Variants in LRP1B observed in about 807,000 individuals in gnomAD.
LRP1B encodes LDL receptor related protein 1B.
LRP1B carries 217 observed loss-of-function variants against 556.6 expected under a neutral mutation model. The ratio of observed to expected loss-of-function variants is 0.39; its 90% CI spans 0.35 to 0.44. The LOEUF (loss-of-function observed/expected upper bound fraction) is 0.44. Among genes scored for constraint, LRP1B ranks in the 20% least tolerant of loss-of-function variants. The pLI, the probability that LRP1B is intolerant of heterozygous loss-of-function variation, is 1.00. For missense variants in LRP1B, 5,053 were observed against 5,620.8 expected (o/e 0.90, Z 3.23); for synonymous variants, 2,047 against 1,865.8 (o/e 1.10, Z -2.50).
At chr2:140,721,278 T>C (rs979506911) in intron 35 of LRP1B, among the ~76,000 whole-genome samples, 13 of 152,116 alleles carry the variant, frequency 8.5e-5, no homozygotes. Flanking sequence ...ATTCTAAAAA[T>C]GATAAAGCAT....
At chr2:141,038,222 A>G (rs59392353) in intron 11 of LRP1B, among the ~76,000 whole-genome samples, 7,210 of 152,112 alleles carry the variant, frequency 0.047, 586 homozygotes, top group African/African-American at 0.16. Context: ...TACGCCCTCC[A>G]GTCCTTCTCC....
intron 41 of LRP1B, among the ~76,000 whole-genome samples, chr2:140,676,386 G>A (rs546690877): frequency 9.2e-5 from 14 of 152,178 alleles, no homozygotes; most frequent in African/African-American, 2.2e-4. Flanking sequence ...GGATAATCCC[G>A]CTGTTAAAAT....
chr2:141,904,896 A>G (rs1699712273), intron 1 of LRP1B, among the ~76,000 whole-genome samples: 1 of 151,986 alleles, frequency 6.6e-6, no homozygotes, highest in South Asian at 2.1e-4. Flanking sequence ...AGACAGGGAC[A>G]GAGACCTGAC....
chr2:142,123,172 C>T (rs1707517903), intron 1 of LRP1B, among the ~76,000 whole-genome samples: 1 of 151,948 alleles, frequency 6.6e-6, no homozygotes, highest in Admixed American at 6.6e-5. Flanking sequence ...TTAAGATATG[C>T]TAGGAACACA....
At chr2:140,564,256 G>A (rs1349852483) in intron 43 of LRP1B, among the ~76,000 whole-genome samples, 1 of 152,040 alleles carries the variant, frequency 6.6e-6, no homozygotes, top group African/African-American at 2.4e-5. Context: ...TGGCACAACT[G>A]AAATTTTTTT....
intron 49 of LRP1B, among the ~76,000 whole-genome samples, chr2:140,517,709 C>CTTTTTT (rs372100986): frequency 5.6e-5 from 7 of 125,414 alleles, no homozygotes; most frequent in African/African-American, 9.0e-5. Flanking sequence ...TTTATCTTTC[C>CTTTTTT]TTTTTTTTTT....
At chr2:140,592,413 T>C (rs1376056880) in intron 43 of LRP1B, among the ~76,000 whole-genome samples, 8 of 152,122 alleles carry the variant, frequency 5.3e-5, no homozygotes, top group Non-Finnish European at 7.4e-5. Flanking sequence ...TGGATGCTTA[T>C]ACTTATACTT....
chr2:141,261,598 G>T (rs547980126), intron 3 of LRP1B, among the ~76,000 whole-genome samples: 11 of 152,002 alleles, frequency 7.2e-5, no homozygotes, highest in Non-Finnish European at 1.5e-4. Flanking sequence ...TCATATAAAT[G>T]AAATCATCTA....
intron 3 of LRP1B, among the ~76,000 whole-genome samples, chr2:141,423,380 A>G (rs188450692): frequency 1.3e-5 from 2 of 150,996 alleles, no homozygotes; most frequent in East Asian, 3.9e-4. Flanking sequence ...CAACAATAAT[A>G]ATCATTCTTC....
At chr2:142,020,774 A>G in intron 1 of LRP1B, among the ~76,000 whole-genome samples, 1 of 152,208 alleles carries the variant, frequency 6.6e-6, no homozygotes, top group Admixed American at 6.5e-5. Context: ...GTGTAAGTTT[A>G]ATTAGAATTG....
At position 141,287,366 on chromosome 2, in the gene LRP1B, A is replaced by T. The variant is rs1160448999; in HGVS notation, c.344-32725T>A. On this transcript the variant is annotated intron_variant, in intron 3 of 90. Transcript: ENST00000389484. ...GAGACAGAGTCTCACTCTGTCGCCC[A>T]GGCTGGAGTGCAGTGGCACAATCTC... Among the ~76,000 whole-genome samples, 11 of 148,048 alleles carry T rather than the reference A, an allele frequency of 7.4e-5. No individual in the cohort carries two copies. The South Asian group carries it at 2.3e-3, about 32-fold the overall frequency.
chr2:141,454,767 T>C (rs922423542), intron 3 of LRP1B, among the ~76,000 whole-genome samples: 1 of 152,164 alleles, frequency 6.6e-6, no homozygotes, highest in African/African-American at 2.4e-5. Flanking sequence ...AATGCAAATA[T>C]CTTTACCCTG....
chr2:140,452,820 A>T (rs1361138146), intron 62 of LRP1B, among the ~76,000 whole-genome samples: 1 of 152,062 alleles, frequency 6.6e-6, no homozygotes, highest in Non-Finnish European at 1.5e-5. Flanking sequence ...TACATCATTT[A>T]AAAAATATGA....
intron 20 of LRP1B, among the ~76,000 whole-genome samples, chr2:140,935,299 C>T (rs1695170477): frequency 6.6e-6 from 1 of 151,850 alleles, no homozygotes; most frequent in African/African-American, 2.4e-5. Flanking sequence ...AACGGATGAA[C>T]AAATGAAATA....
intron 7 of LRP1B, among the ~76,000 whole-genome samples, chr2:141,120,536 T>C (rs1367262476): frequency 1.3e-5 from 2 of 152,002 alleles, no homozygotes; most frequent in Non-Finnish European, 2.9e-5. Flanking sequence ...AAATAGAAAA[T>C]CTTTTGTGAA....
At chr2:141,829,016 A>T (rs1356426768) in intron 1 of LRP1B, among the ~76,000 whole-genome samples, 4 of 152,106 alleles carry the variant, frequency 2.6e-5, no homozygotes, top group Admixed American at 2.6e-4. Flanking sequence ...ACTAGCACAT[A>T]TAATTTTTGC....
chr2:141,612,999 T>TG (rs1688162539), intron 2 of LRP1B, among the ~76,000 whole-genome samples: 1 of 151,512 alleles, frequency 6.6e-6, no homozygotes, highest in Admixed American at 6.6e-5. Flanking sequence ...TCAGTAGAGA[T>TG]GGGGTTTCAC....
intron 3 of LRP1B, among the ~76,000 whole-genome samples, chr2:141,354,682 G>C (rs1433054949): frequency 6.6e-6 from 1 of 151,896 alleles, no homozygotes; most frequent in Non-Finnish European, 1.5e-5. Context: ...GTGTACCTCG[G>C]GGCATGAGAA....
At chr2:140,711,119 T>G (rs1245005337) in intron 37 of LRP1B, among the ~76,000 whole-genome samples, 1 of 152,040 alleles carries the variant, frequency 6.6e-6, no homozygotes, top group African/African-American at 2.4e-5. Flanking sequence ...GAAGGAAACC[T>G]TTTTCTGAGG....
Sources: gnomAD v4.1 joint callset for allele counts (sites outside exome capture counted in the v4.1 genomes callset) on GRCh38, gnomAD v4.1.1 for gene constraint, MANE v1.5 for transcripts, NCBI Gene and HGNC (gene_info 2026-07-23, HGNC 2026-07-21) for gene names.